Variants in PRKD2 observed in about 807,000 individuals in gnomAD.
PRKD2 encodes serine/threonine-protein kinase D2.
PRKD2 carries 22 observed loss-of-function variants against 86.0 expected under a neutral mutation model. The ratio of observed to expected loss-of-function variants is 0.26; its 90% CI spans 0.18 to 0.37. The LOEUF (loss-of-function observed/expected upper bound fraction) is 0.37. Among genes scored for constraint, PRKD2 ranks in the 10% least tolerant of loss-of-function variants. PRKD2 has a pLI of 1.00. For synonymous variants in PRKD2, 509 were observed against 510.9 expected, an observed-to-expected ratio of 1.00 and a Z score of 0.05; for missense variants, 818 against 1,199.2, an observed-to-expected ratio of 0.68 and a Z score of 4.70.
Position 46,678,442 on chromosome 19 carries a change from G to T in PRKD2, c.2292C>A (p.Ala764=), listed in dbSNP as rs753891237. 6.2e-7 allele frequency: 1 copy of T among 1,614,170 alleles called. No individual in the cohort carries two copies. Among genetic ancestry groups the T allele is most frequent in the South Asian group, 1.1e-5 (1 of 91,090 alleles). Residue 764 remains alanine, a synonymous_variant, in exon 16 of 18, where the codon GCC becomes GCA. Transcript: ENST00000291281. This position sits in a 1 kb window ranked among gnomAD's most constrained non-coding sequence, Gnocchi z 5.7. ...AGGGGCTGGCCGGGTACATGAAGGC[G>T]GCGTTCTGGATCTGGTCATTGATGT... The part of the protein sequence containing the change: ...DEDINDQIQN[A]AFMYPASPWS...
intron 15 of PRKD2, among the ~76,000 whole-genome samples, chr19:46,681,255 CT>C (rs560763431): frequency 0.11 from 14,031 of 132,946 alleles, 770 homozygotes; most frequent in Non-Finnish European, 0.14. Flanking sequence ...CGCACCCAGT[CT>C]TTTTTTTTTT....
intron 1 of PRKD2, chr19:46,714,393 A>G (rs889933267): frequency 4.8e-6 from 4 of 836,192 alleles, no homozygotes; most frequent in Non-Finnish European, 4.3e-6. Flanking sequence ...GGATCTGTCT[A>G]TTGTTGTCCC....
Position 46,674,496 on chromosome 19 carries a change from G to A in PRKD2, c.*27C>T. On this transcript the variant is annotated 3_prime_UTR_variant, in exon 18 of 18. Transcript: ENST00000291281. ...ATCCTGTGAAGAACCGCTGTGGAGG[G>A]CAGCAGCTGGACGAGGGCACAGGAC... 1.3e-6 allele frequency: 2 copies of A among 1,594,590 alleles called. No homozygotes were observed. Among genetic ancestry groups the A allele is most frequent in the East Asian group, 2.2e-5 (1 of 44,518 alleles).
In PRKD2 at chr19:46,716,735, G is replaced by A. The variant is rs1029133564; in HGVS notation, c.-365C>T. 4 of 171,428 alleles carry A rather than the reference G, an allele frequency of 2.3e-5. No homozygotes were observed. The highest frequency in any genetic ancestry group is 9.5e-5 in the African/African-American group (4 of 42,118). The allele number at this position is 171,428 out of a possible 1,614,324, so 10.6% of individuals were successfully genotyped here. The stretch of plus-strand genomic sequence containing the variant: ...AGGCCCCTTCCCTAGAGGAGGGATT[G>A]AGAAGGGGGCAGAGGGAATCCCAGG... On this transcript the variant is annotated 5_prime_UTR_variant, in exon 1 of 18. Coordinates refer to ENST00000291281, the MANE Select transcript of PRKD2 (RefSeq NM_016457.5). This position sits in a 1 kb window ranked among gnomAD's most constrained non-coding sequence, Gnocchi z 7.9.
chr19:46,709,627 C>T (rs2053773047), intron 3 of PRKD2, among the ~76,000 whole-genome samples: 1 of 152,188 alleles, frequency 6.6e-6, no homozygotes, highest in Non-Finnish European at 1.5e-5. Context: ...TCCCAGAGTG[C>T]TGGGATTACA....
intron 16 of PRKD2, among the ~76,000 whole-genome samples, chr19:46,677,846 CTGGCTCCCT>C (rs892538069): frequency 6.6e-6 from 1 of 152,228 alleles, no homozygotes; most frequent in African/African-American, 2.4e-5. Context: ...CGTCCCTAGA[CTGGCTCCCT>C]TGGTCACTGA....
chr19:46,680,384 G>A (rs1478503877), intron 15 of PRKD2, among the ~76,000 whole-genome samples: 2 of 151,648 alleles, frequency 1.3e-5, no homozygotes, highest in African/African-American at 4.8e-5. Flanking sequence ...ACCCTCCTGG[G>A]TTCAAGCAAT....
chr19:46,683,579 G>A (rs764065599), intron 14 of PRKD2, among the ~76,000 whole-genome samples: 8 of 151,930 alleles, frequency 5.3e-5, no homozygotes, highest in East Asian at 2.0e-4. Flanking sequence ...AAAATTAGGC[G>A]TGGTGGTGGG....
At chr19:46,686,679 C>T (rs894529707) in intron 14 of PRKD2, among the ~76,000 whole-genome samples, 11 of 149,754 alleles carry the variant, frequency 7.3e-5, no homozygotes, top group Admixed American at 2.0e-4. Flanking sequence ...AGGCCAGGCG[C>T]GGTGGCTCAC....
At chr19:46,686,657 A>T (rs1225716095) in intron 14 of PRKD2, among the ~76,000 whole-genome samples, 1 of 151,622 alleles carries the variant, frequency 6.6e-6, no homozygotes, top group African/African-American at 2.4e-5. Flanking sequence ...GTCTCAAAAA[A>T]AAAAATAAAA....
chr19:46,691,678 C>CA, intron 12 of PRKD2, 57 bp downstream of exon 12: 1 of 1,551,462 alleles, frequency 6.4e-7, no homozygotes, highest in Non-Finnish European at 8.9e-7. Context: ...GGGCTGGAGC[C>CA]ACAGCAGCTT....
At chr19:46,694,414 G>C (rs759507986) in intron 9 of PRKD2, among the ~76,000 whole-genome samples, 2 of 152,054 alleles carry the variant, frequency 1.3e-5, no homozygotes, top group African/African-American at 2.4e-5. Flanking sequence ...GGCCAACATG[G>C]CAAAATCCCG....
chr19:46,690,125 T>G (rs1039328651), intron 13 of PRKD2, among the ~76,000 whole-genome samples: 1 of 152,000 alleles, frequency 6.6e-6, no homozygotes. Flanking sequence ...TGGGGAGAGC[T>G]CTGCACATCT....
In PRKD2 at chr19:46,708,985, T is replaced by TG. The variant is rs2053761710; in HGVS notation, c.511+1921_511+1922insC. ...GGTTTGTTTGTGGTTTTTTTTTTTT[T>TG]TTTTTTTTTTGAGACGGAGTCTCGC... On this transcript the variant is annotated intron_variant, in intron 3 of 17. Coordinates refer to ENST00000291281, the MANE Select transcript of PRKD2 (RefSeq NM_016457.5). Among the ~76,000 whole-genome samples the TG allele has an allele frequency of 4.1e-5, 6 of 145,902 alleles. No homozygotes were observed. In the South Asian group the frequency reaches 8.7e-4, roughly 21 times the overall value.
intron 2 of PRKD2, among the ~76,000 whole-genome samples, chr19:46,713,308 T>C (rs1225653958): frequency 6.6e-6 from 1 of 150,948 alleles, no homozygotes; most frequent in African/African-American, 2.4e-5. Context: ...ATTACAGGTG[T>C]GAGCCACTGC....
In PRKD2 at chr19:46,705,436, A is replaced by C. The variant is rs188194970; in HGVS notation, c.512-787T>G. On this transcript the variant is annotated intron_variant, in intron 3 of 17. Transcript: ENST00000291281. ...CAGGTCTGCTCACCCCCTGTACCCC[A>C]CTTTCTCTTTTCTGTAGACCTGGAA... Among the ~76,000 whole-genome samples, 104 of 141,202 alleles carry C rather than the reference A, an allele frequency of 7.4e-4. 3 individuals are homozygous for C. In the East Asian group the frequency reaches 0.019, roughly 26 times the overall value. 92.6% of individuals were successfully genotyped at this position (141,202 alleles called of 152,430 possible). A position where few individuals can be genotyped will look rare whatever the true frequency, so the allele number is the denominator to read the frequency against.
chr19:46,715,705 A>G (rs941060954), intron 1 of PRKD2, among the ~76,000 whole-genome samples: 2 of 151,856 alleles, frequency 1.3e-5, no homozygotes, highest in Non-Finnish European at 2.9e-5. Context: ...CAGCTAACTC[A>G]AGCACCTGCA....
At chr19:46,691,893 T>G in intron 11 of PRKD2, 40 bp downstream of exon 11, 1 of 1,611,524 alleles carries the variant, frequency 6.2e-7, no homozygotes, top group Non-Finnish European at 8.5e-7. Flanking sequence ...GAGGAGGGTT[T>G]GTGGGAGGGG....
At position 46,716,001 on chromosome 19, in the gene PRKD2, C is replaced by G. The variant is rs1396471438; in HGVS notation, c.240+130G>C. The G allele has an allele frequency of 1.5e-6, 2 of 1,371,694 alleles. No individual in the cohort carries two copies. The highest frequency in any genetic ancestry group is 1.9e-6 in the Non-Finnish European group (2 of 1,036,752). 85.0% of individuals were successfully genotyped at this position (1,371,694 alleles called of 1,614,324 possible). On this transcript the variant is annotated intron_variant, in intron 1 of 17. Coordinates refer to ENST00000291281, the MANE Select transcript of PRKD2 (RefSeq NM_016457.5). The surrounding 1 kb of genome is among the most constrained non-coding windows in gnomAD (Gnocchi z 7.9). ...GGGGCAATGGAGGGGGGCAATGCCC[C>G]CTATCCCTCCATCACCCAAAGCTCA...
Sources: allele counts gnomAD v4.1 joint callset (sites outside exome capture counted in the v4.1 genomes callset), GRCh38; gene constraint gnomAD v4.1.1; non-coding constraint Gnocchi (gnomAD v3.1); transcripts MANE v1.5; gene names NCBI Gene and HGNC (gene_info 2026-07-23, HGNC 2026-07-21).